KCNIP4: variants seen among roughly 807,000 people sequenced by gnomAD.
KCNIP4 encodes the protein potassium voltage-gated channel interacting protein 4.
KCNIP4 carries 12 observed loss-of-function variants against 34.0 expected under a neutral mutation model. The ratio of observed to expected loss-of-function variants is 0.35; its 90% CI spans 0.23 to 0.57. The LOEUF (loss-of-function observed/expected upper bound fraction) is 0.57, where lower values mean the gene tolerates loss of function less well. KCNIP4 is among the 20% of genes least tolerant of loss of function. The pLI is 0.83. For missense variants in KCNIP4, 238 were observed against 311.7 expected (o/e 0.76, Z 1.78); for synonymous variants, 124 against 102.2 (o/e 1.21, Z -1.29).
intron 1 of KCNIP4, among the ~76,000 whole-genome samples, chr4:21,638,913 T>C (rs190630858): frequency 6.6e-6 from 1 of 152,320 alleles, no homozygotes; most frequent in East Asian, 1.9e-4. Flanking sequence ...TCCAGGTGTG[T>C]TCTGATAGCA....
chr4:21,216,589 A>G (rs1757591953), intron 1 of KCNIP4, among the ~76,000 whole-genome samples: 1 of 152,212 alleles, frequency 6.6e-6, no homozygotes, highest in Non-Finnish European at 1.5e-5. Flanking sequence ...ATTGATAATC[A>G]GAATAGTTAG....
chr4:20,787,468 TCTC>T (rs1468497035), intron 3 of KCNIP4, among the ~76,000 whole-genome samples: 1 of 152,146 alleles, frequency 6.6e-6, no homozygotes, highest in Non-Finnish European at 1.5e-5. Context: ...AGAGGTTTTT[TCTC>T]CTCCTCTTCT....
intron 1 of KCNIP4, among the ~76,000 whole-genome samples, chr4:21,569,134 A>G (rs949542040): frequency 6.7e-6 from 1 of 149,214 alleles, no homozygotes; most frequent in Non-Finnish European, 1.5e-5. Context: ...AATTAGCAAT[A>G]CTTTGTTCAG....
At chr4:21,686,335 G>A (rs532369537) in intron 1 of KCNIP4, among the ~76,000 whole-genome samples, 2 of 152,204 alleles carry the variant, frequency 1.3e-5, no homozygotes, top group South Asian at 4.1e-4. Context: ...TTTTTTGTGT[G>A]TGTAAAATCT....
At chr4:21,729,130 ACCTTC>A (rs1715408044) in intron 1 of KCNIP4, among the ~76,000 whole-genome samples, 2 of 152,096 alleles carry the variant, frequency 1.3e-5, no homozygotes, top group African/African-American at 4.8e-5. Flanking sequence ...AAATCTGAGC[ACCTTC>A]TACAGGGTTT....
In KCNIP4 at chr4:21,338,029, G is replaced by A. The variant is rs140367688; in HGVS notation, c.62-455320C>T. 2.7e-3 allele frequency among the ~76,000 whole-genome samples: 413 copies of A among 152,104 alleles called. 1 individual carries two copies. Among genetic ancestry groups the A allele is most frequent in the African/African-American group, 9.2e-3 (382 of 41,506 alleles). ...TTCCACTTTCTGCTCCACCATTCTG[G>A]ATATGTAGCTTTTGTCCTTGGCTTC... On this transcript the variant is annotated intron_variant, in intron 1 of 8. Coordinates refer to ENST00000382152, the MANE Select transcript of KCNIP4 (RefSeq NM_025221.6).
chr4:20,731,492 A>G (rs1435238231), intron 8 of KCNIP4: 3 of 984,954 alleles, frequency 3.0e-6, no homozygotes, highest in Non-Finnish European at 3.6e-6. Context: ...AAAATTTTCC[A>G]CTGTTTATTT....
intron 1 of KCNIP4, among the ~76,000 whole-genome samples, chr4:21,707,498 T>C (rs901854651): frequency 4.6e-5 from 7 of 152,022 alleles, no homozygotes; most frequent in African/African-American, 1.4e-4. Flanking sequence ...ATGACATATG[T>C]GTAGATTTTG....
chr4:21,462,491 T>A (rs947858701), intron 1 of KCNIP4, among the ~76,000 whole-genome samples: 1 of 152,016 alleles, frequency 6.6e-6, no homozygotes, highest in South Asian at 2.1e-4. Context: ...ACCTCCCACC[T>A]GGTCCCTCCC....
At chr4:21,292,352 G>T (rs1355546598) in intron 1 of KCNIP4, among the ~76,000 whole-genome samples, 1 of 152,000 alleles carries the variant, frequency 6.6e-6, no homozygotes. Flanking sequence ...TACAATATTT[G>T]TTTTTGCAAA....
intron 1 of KCNIP4, among the ~76,000 whole-genome samples, chr4:21,395,310 A>G (rs1722893731): frequency 1.3e-5 from 2 of 152,008 alleles, no homozygotes; most frequent in South Asian, 4.1e-4. Context: ...GGAAAAGGCC[A>G]CTCCTACCTC....
chr4:20,883,193 T>C (rs866485737), intron 1 of KCNIP4, among the ~76,000 whole-genome samples: 2 of 152,118 alleles, frequency 1.3e-5, no homozygotes, highest in African/African-American at 4.8e-5. Context: ...CACACCACAA[T>C]CACCTGTTAG....
chr4:20,736,294 T>G (rs1304480951), intron 5 of KCNIP4, among the ~76,000 whole-genome samples: 3 of 152,242 alleles, frequency 2.0e-5, no homozygotes, highest in African/African-American at 7.2e-5. Flanking sequence ...CCATTGTATA[T>G]GTAAATACAT....
chr4:21,479,339 T>G (rs1731240340), intron 1 of KCNIP4, among the ~76,000 whole-genome samples: 1 of 152,204 alleles, frequency 6.6e-6, no homozygotes, highest in Non-Finnish European at 1.5e-5. Flanking sequence ...ACAATTTATT[T>G]AGCACTGGCC....
chr4:21,535,714 T>C (rs1448315565), intron 1 of KCNIP4, among the ~76,000 whole-genome samples: 1 of 152,186 alleles, frequency 6.6e-6, no homozygotes, highest in Non-Finnish European at 1.5e-5. Flanking sequence ...AGAAATGAAA[T>C]GTGCTCCATA....
intron 2 of KCNIP4, among the ~76,000 whole-genome samples, chr4:20,875,460 C>T (rs891870626): frequency 1.3e-5 from 2 of 152,098 alleles, no homozygotes; most frequent in Admixed American, 1.3e-4. Context: ...AAAACTGTAC[C>T]AGACACATAG....
chr4:20,964,696 A>G lies in KCNIP4; in HGVS notation c.62-81987T>C, dbSNP rs144289466. Among the ~76,000 whole-genome samples, 40 of 152,288 alleles carry G rather than the reference A, an allele frequency of 2.6e-4. No homozygotes were observed. In the East Asian group the frequency reaches 7.7e-3, roughly 29 times the overall value. ...CAGCAGCATTGTGAATGTTGACTAT[A>G]TTTAACATGCTTAGCTGTACCAGGG... On this transcript the variant is annotated intron_variant, in intron 1 of 8. Coordinates refer to ENST00000382152, the MANE Select transcript of KCNIP4 (RefSeq NM_025221.6).
intron 1 of KCNIP4, among the ~76,000 whole-genome samples, chr4:21,501,970 C>T (rs930907339): frequency 1.5e-5 from 2 of 135,476 alleles, no homozygotes; most frequent in Non-Finnish European, 3.1e-5. Flanking sequence ...GGAGAATTTT[C>T]TCTCTCTCTC....
intron 1 of KCNIP4, among the ~76,000 whole-genome samples, chr4:21,765,582 T>C (rs926786957): frequency 3.3e-5 from 5 of 152,000 alleles, no homozygotes; most frequent in African/African-American, 1.2e-4. Flanking sequence ...AGCTTAAAGA[T>C]GGACTCTGGG....
Sources: allele counts gnomAD v4.1 joint callset (sites outside exome capture counted in the v4.1 genomes callset), GRCh38; gene constraint gnomAD v4.1.1; transcripts MANE v1.5; gene names NCBI Gene and HGNC (gene_info 2026-07-23, HGNC 2026-07-21).